PHKB: variants seen among roughly 807,000 people sequenced by gnomAD.
The protein encoded by PHKB is phosphorylase kinase regulatory subunit beta.
Under a neutral mutation model 152.1 loss-of-function variants are expected in PHKB, and 122 were observed. That is an observed-to-expected ratio of 0.80 (90% CI 0.69 to 0.93). The LOEUF is 0.93. Among genes scored for constraint, PHKB ranks in the 40% least tolerant of loss-of-function variants. The pLI is 0.00. For missense variants in PHKB, 1,304 were observed against 1,328.4 expected (o/e 0.98, Z 0.29); for synonymous variants, 436 against 464.9 (o/e 0.94, Z 0.80).
intron 6 of PHKB, among the ~76,000 whole-genome samples, chr16:47,536,521 T>A (rs936496686): frequency 6.6e-6 from 1 of 152,208 alleles, no homozygotes; most frequent in Non-Finnish European, 1.5e-5. Flanking sequence ...GAACCAAATA[T>A]GTTTTCGATT....
At chr16:47,567,646 C>T (rs1048371155) in intron 7 of PHKB, among the ~76,000 whole-genome samples, 1 of 152,124 alleles carries the variant, frequency 6.6e-6, no homozygotes, top group African/African-American at 2.4e-5. Context: ...TCACCTTCTC[C>T]CTATTCAATA....
chr16:47,568,846 G>C (rs1327086497), intron 7 of PHKB, among the ~76,000 whole-genome samples: 1 of 152,122 alleles, frequency 6.6e-6, no homozygotes, highest in Non-Finnish European at 1.5e-5. Context: ...GTTCCCCTTA[G>C]AATTAATTTC....
intron 7 of PHKB, among the ~76,000 whole-genome samples, chr16:47,579,129 C>A (rs994712087): frequency 6.6e-6 from 1 of 152,020 alleles, no homozygotes; most frequent in Non-Finnish European, 1.5e-5. Context: ...TATGTAATGT[C>A]CAAGCTTCTT....
chr16:47,655,637 G>C (rs1271027318), intron 20 of PHKB, among the ~76,000 whole-genome samples: 3 of 152,156 alleles, frequency 2.0e-5, no homozygotes, highest in African/African-American at 4.8e-5. Context: ...AAGTCAGAAT[G>C]ATATCCTTTT....
chr16:47,592,133 A>T (rs1242395816), intron 10 of PHKB, among the ~76,000 whole-genome samples: 1 of 152,182 alleles, frequency 6.6e-6, no homozygotes, highest in African/African-American at 2.4e-5. Flanking sequence ...TGAAGTTGAG[A>T]AAGCTCAGTT....
At chr16:47,607,139 A>G (rs750743500) in intron 13 of PHKB, among the ~76,000 whole-genome samples, 4 of 152,050 alleles carry the variant, frequency 2.6e-5, no homozygotes, top group Admixed American at 1.3e-4. Flanking sequence ...CTTCTTTCCT[A>G]TTATTTTTAA....
chr16:47,563,230 A>T (rs1971506080), intron 7 of PHKB, among the ~76,000 whole-genome samples: 1 of 149,950 alleles, frequency 6.7e-6, no homozygotes, highest in African/African-American at 2.5e-5. Flanking sequence ...TCTTAGTGGC[A>T]TCTAGAATGG....
intron 16 of PHKB, among the ~76,000 whole-genome samples, chr16:47,646,437 A>G (rs1358348805): frequency 1.6e-5 from 2 of 123,228 alleles, no homozygotes; most frequent in East Asian, 2.4e-4. Context: ...GCTAGATGAC[A>G]CGTTAGTGGG....
At chr16:47,528,292 C>G (rs1032898423) in intron 6 of PHKB, among the ~76,000 whole-genome samples, 3 of 152,082 alleles carry the variant, frequency 2.0e-5, no homozygotes, top group African/African-American at 7.2e-5. Flanking sequence ...AATTTCACCT[C>G]CCTAGGAATG....
Position 47,689,289 on chromosome 16 carries a change from A to C in PHKB, c.2765+114A>C, listed in dbSNP as rs1974019424. On this transcript the variant is annotated intron_variant, in intron 27 of 30. Transcript: ENST00000323584. ...GATATTAATAAGTAAAATTCAACAG[A>C]GTGTCAGAGGCCACCCCACTAGATG... 3 of 1,041,238 alleles carry C rather than the reference A, an allele frequency of 2.9e-6. No individual in the cohort carries two copies. The Admixed American group carries it at 5.7e-5, about 20-fold the overall frequency. The allele number at this position is 1,041,238 out of a possible 1,614,324, so 64.5% of individuals were successfully genotyped here.
At position 47,587,734 on chromosome 16, in the gene PHKB, T is replaced by TCGC; in HGVS notation, c.842_844dup (p.Ser281_Leu282insPro). 3 of 1,613,334 alleles carry TCGC rather than the reference T, an allele frequency of 1.9e-6. No individual in the cohort carries two copies. Among genetic ancestry groups the TCGC allele is most frequent in the Non-Finnish European group, 2.5e-6 (3 of 1,179,270 alleles). On this transcript the variant is annotated inframe_insertion, in exon 9 of 31. Coordinates refer to ENST00000323584, the MANE Select transcript of PHKB (RefSeq NM_000293.3). ...CAATCGCAACAGGCAAACTTTGTGC[T>TCGC]CGCTGTTACCCAGAGAATCAAGATC...
intron 20 of PHKB, among the ~76,000 whole-genome samples, chr16:47,656,977 G>A (rs570638728): frequency 1.1e-3 from 160 of 152,180 alleles, no homozygotes; most frequent in African/African-American, 3.2e-3. Flanking sequence ...TTTTAGAGTT[G>A]CCTTTTTCTT....
chr16:47,480,076 C>T (rs1015908719), intron 1 of PHKB, among the ~76,000 whole-genome samples: 1 of 152,148 alleles, frequency 6.6e-6, no homozygotes, highest in Non-Finnish European at 1.5e-5. Context: ...ATCTGTTTAT[C>T]GTTCATGACT....
intron 16 of PHKB, among the ~76,000 whole-genome samples, chr16:47,647,019 G>A (rs1302481990): frequency 6.6e-6 from 1 of 152,036 alleles, no homozygotes; most frequent in African/African-American, 2.4e-5. Flanking sequence ...TAACCTTATA[G>A]ACATTCTAGA....
intron 7 of PHKB, among the ~76,000 whole-genome samples, chr16:47,578,863 G>A (rs544890941): frequency 6.6e-6 from 1 of 152,154 alleles, no homozygotes; most frequent in South Asian, 2.1e-4. Flanking sequence ...TTTCTGAGTG[G>A]TTATTGTCTA....
rs1973173473 is a variant in PHKB, at chr16:47,648,435, C to CAGA, written c.1609-98_1609-97insAGA. 9 of 891,870 alleles carry CAGA rather than the reference C, an allele frequency of 1.0e-5. No individual in the cohort carries two copies. The Admixed American group carries it at 1.4e-4, about 14-fold the overall frequency. The allele number at this position is 891,870 out of a possible 1,614,324, so 55.2% of individuals were successfully genotyped here. A position where few individuals can be genotyped will look rare whatever the true frequency, so the allele number is the denominator to read the frequency against. ...TGGATTAGGGTTCCCTAGCTTCTTT[C>CAGA]TCTCTGGAAAGATCAAAAATTAACA... On this transcript the variant is annotated intron_variant, in intron 16 of 30. Transcript: ENST00000323584.
chr16:47,509,075 A>C (rs2151648207), intron 4 of PHKB, among the ~76,000 whole-genome samples: 1 of 152,360 alleles, frequency 6.6e-6, no homozygotes, highest in South Asian at 2.1e-4. Context: ...GAGTCACTTT[A>C]TTAAACTGAT....
intron 5 of PHKB, among the ~76,000 whole-genome samples, chr16:47,512,495 A>T (rs1229553560): frequency 2.6e-5 from 4 of 152,232 alleles, no homozygotes; most frequent in Non-Finnish European, 4.4e-5. Context: ...TGTCATAGCA[A>T]ATCAGTTTTG....
At chr16:47,496,749 G>T (rs926287339) in intron 1 of PHKB, among the ~76,000 whole-genome samples, 6 of 152,158 alleles carry the variant, frequency 3.9e-5, no homozygotes, top group Non-Finnish European at 8.8e-5. Flanking sequence ...CATGATTATT[G>T]TGTATTTTGT....
Sources: allele counts gnomAD v4.1 joint callset (sites outside exome capture counted in the v4.1 genomes callset), GRCh38; gene constraint gnomAD v4.1.1; transcripts MANE v1.5; gene names NCBI Gene and HGNC (gene_info 2026-07-23, HGNC 2026-07-21).